RYR2: variants seen among roughly 807,000 people sequenced by gnomAD.
RYR2 encodes the protein cardiac muscle ryanodine receptor-calcium release channel.
Under a neutral mutation model 601.1 loss-of-function variants are expected in RYR2, and 227 were observed. That is an observed-to-expected ratio of 0.38 (90% CI 0.34 to 0.42). The LOEUF is 0.42. Among genes scored for constraint, RYR2 ranks in the 10% least tolerant of loss-of-function variants. RYR2 has a pLI of 1.00. For missense variants in RYR2, 4,646 were observed against 6,156.5 expected (o/e 0.75, Z 8.21); for synonymous variants, 2,223 against 2,175.1 (o/e 1.02, Z -0.61).
intron 10 of RYR2, among the ~76,000 whole-genome samples, chr1:237,416,201 G>A (rs994152847): frequency 6.6e-6 from 1 of 152,130 alleles, no homozygotes; most frequent in Non-Finnish European, 1.5e-5. Context: ...CAAGATTGGA[G>A]CCCACTGGAA....
chr1:237,054,968 G>C (rs1050004123), intron 1 of RYR2, among the ~76,000 whole-genome samples: 1 of 152,056 alleles, frequency 6.6e-6, no homozygotes, highest in African/African-American at 2.4e-5. Flanking sequence ...AGATGGTGCC[G>C]GGAGCACTGT....
intron 1 of RYR2, among the ~76,000 whole-genome samples, chr1:237,231,289 A>G (rs1684971998): frequency 6.6e-6 from 1 of 151,482 alleles, no homozygotes; most frequent in African/African-American, 2.4e-5. Flanking sequence ...CTTTTTTTAA[A>G]TAGAGATAGT....
chr1:237,529,951 G>A (rs529464371), intron 24 of RYR2, among the ~76,000 whole-genome samples: 7 of 152,038 alleles, frequency 4.6e-5, no homozygotes, highest in African/African-American at 1.4e-4. Flanking sequence ...ATTTCAGTTC[G>A]CAGTGTCTTA....
intron 1 of RYR2, among the ~76,000 whole-genome samples, chr1:237,171,086 T>G (rs1245259174): frequency 6.6e-6 from 1 of 151,764 alleles, no homozygotes; most frequent in African/African-American, 2.4e-5. Context: ...TACAAAAAAT[T>G]AGTTGGGTGT....
chr1:237,056,901 C>G (rs560848304), intron 1 of RYR2, among the ~76,000 whole-genome samples: 1 of 152,188 alleles, frequency 6.6e-6, no homozygotes, highest in Non-Finnish European at 1.5e-5. Context: ...TCGGAAGGAA[C>G]CAGCCCTGCT....
intron 10 of RYR2, among the ~76,000 whole-genome samples, chr1:237,409,539 C>T (rs1227856476): frequency 6.6e-6 from 1 of 152,012 alleles, no homozygotes; most frequent in Admixed American, 6.5e-5. Flanking sequence ...TGTATTCAAA[C>T]AGCACATTCC....
At chr1:237,417,447 G>A (rs951052056) in intron 11 of RYR2, among the ~76,000 whole-genome samples, 1 of 152,228 alleles carries the variant, frequency 6.6e-6, no homozygotes, top group Non-Finnish European at 1.5e-5. Context: ...CTAGGACAGA[G>A]TGATGTAAGA....
At chr1:237,533,515 G>C (rs1668329933) in intron 25 of RYR2, among the ~76,000 whole-genome samples, 1 of 152,020 alleles carries the variant, frequency 6.6e-6, no homozygotes, top group Non-Finnish European at 1.5e-5. Context: ...GGAGGTGGAA[G>C]AAATATTCTT....
intron 62 of RYR2, among the ~76,000 whole-genome samples, chr1:237,683,148 G>T (rs1259405633): frequency 1.3e-5 from 2 of 152,182 alleles, no homozygotes; most frequent in African/African-American, 2.4e-5. Context: ...AACTGGCCCT[G>T]CCACTATGAA....
chr1:237,427,904 G>T (rs746398618), intron 12 of RYR2, among the ~76,000 whole-genome samples: 4 of 151,014 alleles, frequency 2.6e-5, no homozygotes, highest in Non-Finnish European at 5.9e-5. Context: ...ATTGAAGAGT[G>T]CAAGATAGTA....
intron 29 of RYR2, among the ~76,000 whole-genome samples, chr1:237,574,979 A>G (rs1436734375): frequency 6.6e-6 from 1 of 152,216 alleles, no homozygotes; most frequent in African/African-American, 2.4e-5. Context: ...TGTGTTCCAT[A>G]GCAATAGAAA....
At chr1:237,687,326 C>T (rs1374720734) in intron 62 of RYR2, 129 bp from the exon 63 acceptor site, 18 of 630,458 alleles carry the variant, frequency 2.9e-5, no homozygotes, top group South Asian at 1.3e-4. Context: ...TGCTTTTTTC[C>T]GGCTCATATA....
intron 10 of RYR2, among the ~76,000 whole-genome samples, chr1:237,405,680 G>A (rs1030460323): frequency 1.3e-5 from 2 of 152,000 alleles, no homozygotes; most frequent in African/African-American, 4.8e-5. Flanking sequence ...TGAAACAAGA[G>A]AAAGAAGGAT....
intron 1 of RYR2, among the ~76,000 whole-genome samples, chr1:237,248,485 G>A (rs1687130513): frequency 6.6e-6 from 1 of 151,954 alleles, no homozygotes; most frequent in African/African-American, 2.4e-5. Flanking sequence ...AGATTCCCAG[G>A]CTGGAAATTC....
chr1:237,055,071 C>T (rs960633103), intron 1 of RYR2, among the ~76,000 whole-genome samples: 1 of 152,210 alleles, frequency 6.6e-6, no homozygotes, highest in Admixed American at 6.5e-5. Flanking sequence ...TCCTGTCACG[C>T]TCCCAGCCCG....
In RYR2 at chr1:237,721,513, C is replaced by A. The variant is rs1374796068; in HGVS notation, c.10555-1615C>A. 3.3e-5 allele frequency among the ~76,000 whole-genome samples: 5 copies of A among 151,912 alleles called. No individual in the cohort carries two copies. In the East Asian group the frequency reaches 7.7e-4, roughly 23 times the overall value. ...TAGAAGACAAGGGGATTGCTTTGTC[C>A]GTTTTTTGTTTGTTTGTTTTTTGAG... On this transcript the variant is annotated intron_variant, in intron 73 of 104. Coordinates refer to ENST00000366574, the MANE Select transcript of RYR2 (RefSeq NM_001035.3).
chr1:237,680,080 A>G (rs1558205459), intron 61 of RYR2, among the ~76,000 whole-genome samples: 1 of 152,238 alleles, frequency 6.6e-6, no homozygotes, highest in Non-Finnish European at 1.5e-5. Flanking sequence ...CATCTACCCT[A>G]CAGAGCAGTT....
intron 1 of RYR2, among the ~76,000 whole-genome samples, chr1:237,169,257 A>G (rs2148896612): frequency 6.6e-6 from 1 of 151,944 alleles, no homozygotes; most frequent in Non-Finnish European, 1.5e-5. Flanking sequence ...TGTCTTGCTC[A>G]TGATATGGAT....
At chr1:237,377,496 G>T in intron 8 of RYR2, 61 bp downstream of exon 8, 3 of 1,270,186 alleles carry the variant, frequency 2.4e-6, no homozygotes, top group Non-Finnish European at 3.4e-6. Flanking sequence ...TCAATAAAAT[G>T]ATCTCTTTAA....
Sources: gnomAD v4.1 joint callset for allele counts (sites outside exome capture counted in the v4.1 genomes callset) on GRCh38, gnomAD v4.1.1 for gene constraint, MANE v1.5 for transcripts, NCBI Gene and HGNC (gene_info 2026-07-23, HGNC 2026-07-21) for gene names.